Variants in MAST4 observed in about 807,000 individuals in gnomAD.
The protein encoded by MAST4 is microtubule associated serine/threonine kinase family member 4.
A neutral mutation model predicts 162.7 loss-of-function variants in MAST4; 89 were observed. That is an observed-to-expected ratio of 0.55 (90% CI 0.46 to 0.65). The LOEUF is 0.65. Ranked by LOEUF, MAST4 falls within the 30% of genes least tolerant of loss-of-function variation. The pLI is 0.00. For missense variants in MAST4, 3,153 were observed against 3,374.0 expected, an observed-to-expected ratio of 0.93 and a Z score of 1.62; for synonymous variants, 1,479 against 1,361.1, an observed-to-expected ratio of 1.09 and a Z score of -1.91.
At chr5:66,917,594 C>CG in intron 4 of MAST4, among the ~76,000 whole-genome samples, 1 of 127,838 alleles carries the variant, frequency 7.8e-6, no homozygotes, top group East Asian at 2.1e-4. Flanking sequence ...GATTCTCTTT[C>CG]TTTTTTTTTT....
At chr5:66,653,820 C>T (rs150906961) in intron 1 of MAST4, among the ~76,000 whole-genome samples, 1 of 152,300 alleles carries the variant, frequency 6.6e-6, no homozygotes, top group East Asian at 1.9e-4. Context: ...GGAATCTATA[C>T]TATACCTTTT....
At chr5:66,751,957 C>T (rs1161235837) in intron 1 of MAST4, among the ~76,000 whole-genome samples, 3 of 151,208 alleles carry the variant, frequency 2.0e-5, no homozygotes, top group Non-Finnish European at 2.9e-5. Flanking sequence ...GGGCAGAAAC[C>T]CTACAAGCCA....
At chr5:66,827,714 T>A (rs1284202443) in intron 3 of MAST4, among the ~76,000 whole-genome samples, 1 of 152,216 alleles carries the variant, frequency 6.6e-6, no homozygotes, top group Non-Finnish European at 1.5e-5. Flanking sequence ...TTCCTAACTT[T>A]CAAGAAAAAT....
rs1554072469 is a variant in MAST4, at chr5:66,951,636, G to GTGTGTGTGTGTATGTA, written c.674+51665_674+51666insATGTATGTGTGTGTGT. On this transcript the variant is annotated intron_variant, in intron 4 of 28. Transcript: ENST00000403625. ...TGTGTGTGTGTGTGTGTGTGTGTGT[G>GTGTGTGTGTGTATGTA]TGTGTGTGTGTGTGTGTATTTTTTC... Among the ~76,000 whole-genome samples the GTGTGTGTGTGTATGTA allele has an allele frequency of 3.2e-3, 468 of 145,370 alleles. 5 individuals carry two copies. Among genetic ancestry groups the GTGTGTGTGTGTATGTA allele is most frequent in the Admixed American group, 7.1e-3 (105 of 14,846 alleles).
At chr5:66,966,948 G>A (rs1471856262) in intron 4 of MAST4, among the ~76,000 whole-genome samples, 1 of 152,212 alleles carries the variant, frequency 6.6e-6, no homozygotes, top group East Asian at 1.9e-4. Context: ...TGAGAAAGTT[G>A]TAGGTAGAGA....
chr5:67,014,238 AG>A (rs1161685732), intron 4 of MAST4, among the ~76,000 whole-genome samples: 1 of 152,188 alleles, frequency 6.6e-6, no homozygotes, highest in African/African-American at 2.4e-5. Flanking sequence ...ACCACTGCAA[AG>A]GGCAGGCATG....
At chr5:66,860,213 G>C (rs1214312117) in intron 3 of MAST4, among the ~76,000 whole-genome samples, 2 of 152,126 alleles carry the variant, frequency 1.3e-5, no homozygotes, top group African/African-American at 4.8e-5. Context: ...CATAAAAATA[G>C]CATTTCCTGG....
intron 1 of MAST4, among the ~76,000 whole-genome samples, chr5:66,605,547 A>C: frequency 6.6e-6 from 1 of 152,182 alleles, no homozygotes. Context: ...TTACTGTTCA[A>C]AATACTACAT....
chr5:67,166,652 G>T lies in MAST4; in HGVS notation c.7473G>T (p.Met2491Ile). The change falls in exon 29 of 29, where the codon ATG becomes ATT. Residue 2491 changes from methionine to isoleucine, a missense_variant. This residue lies in a region of MAST4 where 1,644 missense variants were observed against 1,495.0 expected (regional missense o/e 1.10). Transcript: ENST00000403625. ...DTSSAKAAGG[M>I]LELPAPSNRD... Reference sequence around the variant, plus strand: ...CTTCTGCCAAGGCCGCCGGGGGCATGCTGGAGCTTCCAGCCCCCAGCAACA... The same window carrying T: ...CTTCTGCCAAGGCCGCCGGGGGCATTCTGGAGCTTCCAGCCCCCAGCAACA... 6.3e-7 allele frequency: 1 copy of T among 1,599,130 alleles called. No individual in the cohort carries two copies. Among genetic ancestry groups the T allele is most frequent in the East Asian group, 2.3e-5 (1 of 44,106 alleles).
rs1762184909 is a variant in MAST4 at position 67,078,916 on chromosome 5, A to ATATATATATAT, written c.764-11245_764-11235dup. 1.2e-4 allele frequency among the ~76,000 whole-genome samples: 8 copies of ATATATATATAT among 65,684 alleles called. No homozygotes were observed. The East Asian group carries it at 2.2e-3, about 18-fold the overall frequency. The allele number at this position is 65,684 out of a possible 152,430, so 43.1% of individuals were successfully genotyped here. On this transcript the variant is annotated intron_variant, in intron 5 of 28. Coordinates refer to ENST00000403625, the MANE Select transcript of MAST4 (RefSeq NM_001164664.2). Reference sequence around the variant, plus strand: ...TATTTATATATTTTTATATAAATATATATATATATATATATATATATATAT... The same window carrying ATATATATATAT: ...TATTTATATATTTTTATATAAATATATATATATATATTATATATATATATATATATATATAT...
intron 8 of MAST4, among the ~76,000 whole-genome samples, chr5:67,101,593 A>G (rs1765038149): frequency 2.0e-5 from 3 of 152,198 alleles, no homozygotes; most frequent in Non-Finnish European, 2.9e-5. Context: ...AGGTTTTATT[A>G]TATTAAAAAA....
chr5:66,821,582 G>A lies in MAST4; in HGVS notation c.642+32788G>A, dbSNP rs533762340. ...AGAGTAGCCATTAATAACAGCAGGCGGTAGTATTGTAATATTATGGCATTA... is the reference window on the plus strand; with the variant it reads ...AGAGTAGCCATTAATAACAGCAGGCAGTAGTATTGTAATATTATGGCATTA... On this transcript the variant is annotated intron_variant, in intron 3 of 28. Transcript: ENST00000403625. 1.2e-4 allele frequency among the ~76,000 whole-genome samples: 19 copies of A among 152,194 alleles called. No homozygotes were observed. In the South Asian group the frequency reaches 1.9e-3, roughly 15 times the overall value.
intron 23 of MAST4, among the ~76,000 whole-genome samples, chr5:67,148,693 G>T (rs1771401355): frequency 6.6e-6 from 1 of 152,210 alleles, no homozygotes; most frequent in East Asian, 1.9e-4. Context: ...TTAAAAGCCA[G>T]CAGGATGAAG....
chr5:66,706,220 A>G (rs1672084964), intron 1 of MAST4, among the ~76,000 whole-genome samples: 1 of 152,170 alleles, frequency 6.6e-6, no homozygotes, highest in African/African-American at 2.4e-5. Flanking sequence ...ATGTTTTATC[A>G]TCAACAGGAC....
intron 4 of MAST4, among the ~76,000 whole-genome samples, chr5:67,046,779 A>G (rs1478671251): frequency 6.6e-6 from 1 of 152,184 alleles, no homozygotes; most frequent in Non-Finnish European, 1.5e-5. Flanking sequence ...CCCTTTCTCT[A>G]GCTATTGAAA....
chr5:66,878,015 G>T (rs1761421967), intron 3 of MAST4, among the ~76,000 whole-genome samples: 1 of 152,194 alleles, frequency 6.6e-6, no homozygotes, highest in Non-Finnish European at 1.5e-5. Flanking sequence ...TGGCCGGGAG[G>T]CATGGATGAC....
intron 5 of MAST4, among the ~76,000 whole-genome samples, chr5:67,069,287 G>GAGATATATATATATATAT (rs138978370): frequency 1.9e-5 from 2 of 107,644 alleles, no homozygotes; most frequent in African/African-American, 4.1e-5. Context: ...GAGGAGATTG[G>GAGATATATATATATATAT]ATATATATAT....
chr5:67,038,149 T>C (rs151329948), intron 4 of MAST4, among the ~76,000 whole-genome samples: 161 of 152,248 alleles, frequency 1.1e-3, no homozygotes, highest in Middle Eastern at 6.8e-3. Flanking sequence ...ACACTTTGTC[T>C]ACCTGGCTAT....
chr5:66,933,389 G>A (rs16895988), intron 4 of MAST4, among the ~76,000 whole-genome samples: 21,254 of 151,994 alleles, frequency 0.14, 2,742 homozygotes, highest in African/African-American at 0.35. Context: ...ATTGCTGCAG[G>A]AAAAAAATTA....
Sources: gnomAD v4.1 joint callset for allele counts (sites outside exome capture counted in the v4.1 genomes callset) on GRCh38, gnomAD v4.1.1 for gene constraint, gnomAD v4.1.1 regional missense constraint, MANE v1.5 for transcripts, NCBI Gene and HGNC (gene_info 2026-07-23, HGNC 2026-07-21) for gene names.